NR3C2: variants seen among roughly 807,000 people sequenced by gnomAD.
NR3C2 encodes the protein nuclear receptor subfamily 3 group C member 2, also known as mineralocorticoid receptor.
Under a neutral mutation model 86.4 loss-of-function variants are expected in NR3C2, and 15 were observed. The ratio of observed to expected loss-of-function variants is 0.17; its 90% CI spans 0.12 to 0.27. NR3C2 has a LOEUF of 0.27. Among genes scored for constraint, NR3C2 ranks in the 10% least tolerant of loss-of-function variants. The probability of loss-of-function intolerance (pLI) is 1.00; values close to 1 mark genes in which losing one functional copy is unlikely to be tolerated. For synonymous variants in NR3C2, 458 were observed against 450.5 expected (o/e 1.02, Z -0.21); for missense variants, 960 against 1,195.6 (o/e 0.80, Z 2.91).
intron 8 of NR3C2, among the ~76,000 whole-genome samples, chr4:148,097,689 C>T (rs547724697): frequency 3.3e-5 from 5 of 150,516 alleles, no homozygotes; most frequent in Non-Finnish European, 5.9e-5. Context: ...GCTTTGAATG[C>T]GGCCCAACAC....
intron 2 of NR3C2, among the ~76,000 whole-genome samples, chr4:148,316,007 T>C (rs976807217): frequency 6.6e-5 from 10 of 152,210 alleles, no homozygotes; most frequent in Non-Finnish European, 1.2e-4. Context: ...TTGCACATTA[T>C]AGAAGTTATA....
At chr4:148,204,226 C>T (rs1282769917) in intron 3 of NR3C2, among the ~76,000 whole-genome samples, 3 of 151,920 alleles carry the variant, frequency 2.0e-5, no homozygotes, top group Non-Finnish European at 4.4e-5. Flanking sequence ...TATTATGGTG[C>T]GCAGTAAGAA....
rs368406158 is a variant in NR3C2 at position 148,152,513 on chromosome 4, C to T, written c.2466G>A (p.Thr822=). 48 of 1,613,856 alleles carry T rather than the reference C, an allele frequency of 3.0e-5. No individual in the cohort carries two copies. In the African/African-American group the frequency reaches 4.1e-4, roughly 14 times the overall value. The change falls in exon 6 of 9, where the codon ACG becomes ACA. Residue 822 remains threonine, a synonymous_variant. Transcript: ENST00000358102. Reference sequence around the variant, plus strand: ...GTGCAAAATAGAGAAATTGGCTGTTCGTATGTTTGTACGATCTCCAGCTCA... The same window carrying T: ...GTGCAAAATAGAGAAATTGGCTGTTTGTATGTTTGTACGATCTCCAGCTCA... ...FALSWRSYKH[T]NSQFLYFAPD... is the part of the protein sequence containing the mutation.
At chr4:148,408,881 C>T (rs1748552956) in intron 2 of NR3C2, among the ~76,000 whole-genome samples, 1 of 151,982 alleles carries the variant, frequency 6.6e-6, no homozygotes, top group South Asian at 2.1e-4. Context: ...GTTTTTTTCA[C>T]TCAGTATTAT....
chr4:148,222,816 T>C (rs1184020944), intron 3 of NR3C2, among the ~76,000 whole-genome samples: 3 of 152,204 alleles, frequency 2.0e-5, no homozygotes, highest in Non-Finnish European at 4.4e-5. Flanking sequence ...TTATTGATCA[T>C]GTACTGTGTG....
At chr4:148,233,593 C>G (rs1738577238) in intron 3 of NR3C2, among the ~76,000 whole-genome samples, 1 of 152,068 alleles carries the variant, frequency 6.6e-6, no homozygotes, top group Non-Finnish European at 1.5e-5. Flanking sequence ...CTCCTGGACT[C>G]AAGCAATCCT....
intron 8 of NR3C2, among the ~76,000 whole-genome samples, chr4:148,096,080 C>T (rs774315213): frequency 2.2e-4 from 33 of 152,202 alleles, no homozygotes; most frequent in Non-Finnish European, 4.0e-4. Context: ...TCCACCTTAA[C>T]GTTTCCTTGT....
In NR3C2 at chr4:148,184,279, A is replaced by T. The variant is rs574353963; in HGVS notation, c.2014+10467T>A. Among the ~76,000 whole-genome samples, 1,093 of 138,220 alleles carry T rather than the reference A, an allele frequency of 7.9e-3. 7 individuals carry two copies. Among genetic ancestry groups the T allele is most frequent in the Non-Finnish European group, 0.012 (776 of 63,176 alleles). The allele number at this position is 138,220 out of a possible 152,430, so 90.7% of individuals were successfully genotyped here. On this transcript the variant is annotated intron_variant, in intron 4 of 8. Transcript: ENST00000358102. The stretch of plus-strand genomic sequence containing the variant: ...GCCTGGCCAACATGGTGAAACCCCA[A>T]CTCTACTAAAAATACAAAAAAAAAA...
chr4:148,230,091 A>G lies in NR3C2; in HGVS notation c.1897+29887T>C, dbSNP rs1040429848. Among the ~76,000 whole-genome samples the G allele has an allele frequency of 1.3e-5, 2 of 152,322 alleles. 1 individual carries two copies. The highest frequency in any genetic ancestry group is 4.1e-4 in the South Asian group (2 of 4,826). ...GACAATTCTCTCTCTCTTCCAGTAC[A>G]TAACTGAGAAGCCACATAAGCTCTA... On this transcript the variant is annotated intron_variant, in intron 3 of 8. Coordinates refer to ENST00000358102, the MANE Select transcript of NR3C2 (RefSeq NM_000901.5).
chr4:148,145,389 C>T (rs1733820182), intron 6 of NR3C2, among the ~76,000 whole-genome samples: 1 of 152,184 alleles, frequency 6.6e-6, no homozygotes, highest in African/African-American at 2.4e-5. Flanking sequence ...GAAAGCATGC[C>T]AACGTGTAAG....
chr4:148,298,521 C>G (rs566136903), intron 2 of NR3C2, among the ~76,000 whole-genome samples: 1 of 152,210 alleles, frequency 6.6e-6, no homozygotes, highest in Non-Finnish European at 1.5e-5. Flanking sequence ...TTACTTTCCT[C>G]TTTACCAGTG....
At chr4:148,279,434 C>T (rs994208370) in intron 2 of NR3C2, among the ~76,000 whole-genome samples, 4 of 152,050 alleles carry the variant, frequency 2.6e-5, no homozygotes, top group South Asian at 2.1e-4. Context: ...CGATAACTAT[C>T]GAGAATATGC....
intron 8 of NR3C2, among the ~76,000 whole-genome samples, chr4:148,107,314 CA>C (rs1458843321): frequency 6.6e-6 from 1 of 152,138 alleles, no homozygotes; most frequent in African/African-American, 2.4e-5. Flanking sequence ...TCACGCCAGT[CA>C]GAATGGCAAT....
At chr4:148,342,953 C>T (rs1162105568) in intron 2 of NR3C2, among the ~76,000 whole-genome samples, 1 of 152,110 alleles carries the variant, frequency 6.6e-6, no homozygotes, top group Non-Finnish European at 1.5e-5. Context: ...ATAAAGTAAT[C>T]TTTCTTTAGT....
chr4:148,358,858 A>G (rs1055614809), intron 2 of NR3C2, among the ~76,000 whole-genome samples: 4 of 152,184 alleles, frequency 2.6e-5, no homozygotes, highest in Non-Finnish European at 5.9e-5. Context: ...CAGTAATAAC[A>G]TACCAAGAAG....
intron 8 of NR3C2, among the ~76,000 whole-genome samples, chr4:148,102,679 G>A (rs752573004): frequency 1.3e-5 from 2 of 152,180 alleles, no homozygotes; most frequent in South Asian, 2.1e-4. Context: ...CAACTGGGAC[G>A]CTGCCTCCTG....
At chr4:148,346,584 C>T (rs549669856) in intron 2 of NR3C2, among the ~76,000 whole-genome samples, 1 of 152,168 alleles carries the variant, frequency 6.6e-6, no homozygotes, top group Non-Finnish European at 1.5e-5. Flanking sequence ...GTGGTAGCCA[C>T]TAGCCACATG....
At position 148,081,386 on chromosome 4, in the gene NR3C2, C is replaced by T. The variant is rs1418033531; in HGVS notation, c.2913G>A (p.Val971=). The change falls in exon 9 of 9, where the codon GTG becomes GTA. Residue 971 remains valine (V), a synonymous_variant. Coordinates refer to ENST00000358102, the MANE Select transcript of NR3C2 (RefSeq NM_000901.5). ...AGAGCGGCTTGGCGTTCCCCGACTC[C>T]ACCTTGGGCAGCTGGTCGCTGATGA... The part of the protein sequence containing the change: ...VEIISDQLPK[V]ESGNAKPLYF... The T allele has an allele frequency of 1.2e-6, 2 of 1,614,156 alleles. No homozygotes were observed. The highest frequency in any genetic ancestry group is 2.2e-5 in the East Asian group (1 of 44,886).
chr4:148,342,313 A>G (rs1744786500), intron 2 of NR3C2, among the ~76,000 whole-genome samples: 3 of 152,226 alleles, frequency 2.0e-5, no homozygotes, highest in African/African-American at 7.2e-5. Context: ...CTATGTTCTC[A>G]GGACAAAGGT....
Sources: gnomAD v4.1 joint callset for allele counts (sites outside exome capture counted in the v4.1 genomes callset) on GRCh38, gnomAD v4.1.1 for gene constraint, MANE v1.5 for transcripts, NCBI Gene and HGNC (gene_info 2026-07-23, HGNC 2026-07-21) for gene names.